HGS: variants seen among roughly 807,000 people sequenced by gnomAD.
HGS encodes hepatocyte growth factor-regulated tyrosine kinase substrate, also known as human growth factor-regulated tyrosine kinase substrate.
In HGS, 63 loss-of-function variants were observed where a neutral mutation model predicts 109.7. The ratio of observed to expected loss-of-function variants is 0.57; its 90% CI spans 0.47 to 0.71. The LOEUF is 0.71. HGS is among the 30% of genes least tolerant of loss of function. The probability of loss-of-function intolerance (pLI) is 0.00; values close to 1 mark genes in which losing one functional copy is unlikely to be tolerated. For synonymous variants in HGS, 546 were observed against 437.3 expected (o/e 1.25, Z -3.10); for missense variants, 995 against 1,068.3 (o/e 0.93, Z 0.96).
Position 81,691,779 on chromosome 17 carries a change from C to T in HGS, c.662+208C>T, listed in dbSNP as rs953547603. On this transcript the variant is annotated intron_variant, in intron 8 of 21. Transcript: ENST00000329138. This position sits in a 1 kb window ranked among gnomAD's most constrained non-coding sequence, Gnocchi z 5.3. ...CAGGTGGGTGTGAGAGACAGGGCGCCGCGGCTCCAGGGACCGAGGCTGCCC... is the reference window on the plus strand; with the variant it reads ...CAGGTGGGTGTGAGAGACAGGGCGCTGCGGCTCCAGGGACCGAGGCTGCCC... The T allele has an allele frequency of 1.6e-5, 9 of 556,274 alleles. No homozygotes were observed. The highest frequency in any genetic ancestry group is 5.0e-4 in the Middle Eastern group (1 of 1,994). 34.5% of individuals were successfully genotyped at this position (556,274 alleles called of 1,614,324 possible). A position where few individuals can be genotyped will look rare whatever the true frequency, so the allele number is the denominator to read the frequency against.
At chr17:81,699,020 T>G (rs898490140) in intron 18 of HGS, among the ~76,000 whole-genome samples, 1 of 150,480 alleles carries the variant, frequency 6.6e-6, no homozygotes, top group South Asian at 2.1e-4. Context: ...TGAGCCAAGA[T>G]CATGCCATTG....
chr17:81,686,159 G>A, intron 2 of HGS, 153 bp from the exon 3 acceptor site: 1 of 641,982 alleles, frequency 1.6e-6, no homozygotes, highest in Admixed American at 2.6e-5. Flanking sequence ...TCAGACTCCT[G>A]GGCTCAAGCA....
chr17:81,700,991 C>T (rs1354203326), intron 20 of HGS, 54 bp from the exon 21 acceptor site: 14 of 1,565,570 alleles, frequency 8.9e-6, no homozygotes, highest in Non-Finnish European at 1.2e-5. Flanking sequence ...AGAAACATCC[C>T]CGCCTGCCTG....
intron 1 of HGS, chr17:81,684,819 C>G (rs961766755): frequency 6.1e-6 from 5 of 822,352 alleles, no homozygotes; most frequent in African/African-American, 5.6e-5. Flanking sequence ...GTAGGGTTTT[C>G]AAGGAGACTT....
chr17:81,701,651 C>T lies in HGS; in HGVS notation c.*33C>T, dbSNP rs764760371. On this transcript the variant is annotated 3_prime_UTR_variant, in exon 22 of 22. Transcript: ENST00000329138. Reference sequence around the variant, plus strand: ...CATGCTCACGTCCGGAGTAACACTACATACAGTTCACCTGAAACGCCTCGT... The same window carrying T: ...CATGCTCACGTCCGGAGTAACACTATATACAGTTCACCTGAAACGCCTCGT... 83 of 1,526,144 alleles carry T rather than the reference C, an allele frequency of 5.4e-5. No homozygotes were observed. Among genetic ancestry groups the T allele is most frequent in the Non-Finnish European group, 4.5e-5 (51 of 1,137,984 alleles). 94.5% of individuals were successfully genotyped at this position (1,526,144 alleles called of 1,614,324 possible). A position where few individuals can be genotyped will look rare whatever the true frequency, so the allele number is the denominator to read the frequency against.
chr17:81,699,693 G>A (rs919677015), intron 18 of HGS, among the ~76,000 whole-genome samples: 2 of 152,092 alleles, frequency 1.3e-5, no homozygotes, highest in African/African-American at 4.8e-5. Context: ...CAAAGTGCTG[G>A]GATTACAAGC....
Position 81,700,549 on chromosome 17 carries a change from C to T in HGS, c.1965C>T (p.Thr655=), listed in dbSNP as rs761138711. The change falls in exon 19 of 22, where the codon ACC becomes ACT. Residue 655 remains threonine (T), a synonymous_variant. Coordinates refer to ENST00000329138, the MANE Select transcript of HGS (RefSeq NM_004712.5). ...CCCCCCAGGCCCAGGCCGGACCCACCGCCAGCCCCGCTTACTCATCCTACC... is the reference window on the plus strand; with the variant it reads ...CCCCCCAGGCCCAGGCCGGACCCACTGCCAGCCCCGCTTACTCATCCTACC... The part of the protein sequence containing the change: ...QAAPQAQAGP[T]ASPAYSSYQP... 5.0e-6 allele frequency: 8 copies of T among 1,610,800 alleles called. No individual in the cohort carries two copies. The highest frequency in any genetic ancestry group is 2.2e-5 in the South Asian group (2 of 90,758).
At position 81,690,490 on chromosome 17, in the gene HGS, C is replaced by T; in HGVS notation, c.469-184C>T. ...AGCACCTTTGATGAGGAAGGAAGTC[C>T]CTTCCTCAGGCCTCGGCAGCTTCAC... On this transcript the variant is annotated intron_variant, in intron 6 of 21. Coordinates refer to ENST00000329138, the MANE Select transcript of HGS (RefSeq NM_004712.5). 8.0e-6 allele frequency: 5 copies of T among 626,880 alleles called. No homozygotes were observed. The South Asian group carries it at 8.1e-5, about 10-fold the overall frequency. 38.8% of individuals were successfully genotyped at this position (626,880 alleles called of 1,614,324 possible). A position where few individuals can be genotyped will look rare whatever the true frequency, so the allele number is the denominator to read the frequency against.
At chr17:81,694,361 C>T (rs1322861968) in intron 11 of HGS, among the ~76,000 whole-genome samples, 1 of 152,194 alleles carries the variant, frequency 6.6e-6, no homozygotes, top group Non-Finnish European at 1.5e-5. Context: ...GGGGTTGGGT[C>T]GGGGACAGCA....
chr17:81,690,425 G>C, intron 6 of HGS, 191 bp downstream of exon 6: 1 of 675,182 alleles, frequency 1.5e-6, no homozygotes, highest in Non-Finnish European at 2.5e-6. Flanking sequence ...CGTGGCTTGA[G>C]GGCCTTTAGA....
rs1411589431 is a variant in HGS at position 81,700,721 on chromosome 17, C to T, written c.2043C>T (p.Ser681=). 2 of 1,612,020 alleles carry T rather than the reference C, an allele frequency of 1.2e-6. No individual in the cohort carries two copies. The highest frequency in any genetic ancestry group is 1.7e-6 in the Non-Finnish European group (2 of 1,179,708). Residue 681 remains serine, a synonymous_variant, in exon 20 of 22, where the codon AGC becomes AGT. Transcript: ENST00000329138. ...YQNVASQAPQ[S]LPAISQPPQS... ...ACGTGGCCTCCCAGGCCCCACAGAG[C>T]CTCCCGGCCATCTCTCAGCCTCCGC...
In HGS at chr17:81,691,639, T is replaced by C. The variant is rs1342754344; in HGVS notation, c.662+68T>C. ...CTCCAGGCTGGGTTTTCTGTCCCTC[T>C]TGGCCATGGTGCCTGAGGCCTGCAG... On this transcript the variant is annotated intron_variant, in intron 8 of 21. Transcript: ENST00000329138. This position sits in a 1 kb window ranked among gnomAD's most constrained non-coding sequence, Gnocchi z 5.3. 4 of 1,592,912 alleles carry C rather than the reference T, an allele frequency of 2.5e-6. No homozygotes were observed. In the African/African-American group the frequency reaches 4.0e-5, roughly 16 times the overall value.
chr17:81,684,557 G>T (rs1382910540), intron 1 of HGS: 1 of 161,448 alleles, frequency 6.2e-6, no homozygotes, highest in Non-Finnish European at 1.3e-5. Context: ...GCTCTCTTGG[G>T]GGCTGCGGGT....
intron 18 of HGS, 177 bp downstream of exon 18, chr17:81,697,175 G>GC: frequency 1.4e-6 from 1 of 711,256 alleles, no homozygotes; most frequent in Non-Finnish European, 2.2e-6. Flanking sequence ...TCCTGCTGGA[G>GC]CCGTGTTTCA....
At chr17:81,685,742 TG>T in intron 2 of HGS, 53 bp downstream of exon 2, 1 of 1,419,244 alleles carries the variant, frequency 7.0e-7, no homozygotes, top group Admixed American at 1.8e-5. Flanking sequence ...TGCACTAAGC[TG>T]GGCTCGCTTG....
rs1190758032 is a variant in HGS, at chr17:81,701,766, C to A, written c.*148C>A. ...AGGGGGGGCCTTCACCCCAAGCCCA[C>A]CTCCCTTGTCCTCAGCCTACTGCAG... is the stretch of plus-strand genomic sequence containing the variant. On this transcript the variant is annotated 3_prime_UTR_variant, in exon 22 of 22. Transcript: ENST00000329138. The A allele has an allele frequency of 1.7e-6, 2 of 1,168,350 alleles. No homozygotes were observed. The allele number at this position is 1,168,350 out of a possible 1,614,324, so 72.4% of individuals were successfully genotyped here.
At chr17:81,701,171 C>A (rs373147311) in intron 21 of HGS, 40 bp downstream of exon 21, 12 of 1,545,130 alleles carry the variant, frequency 7.8e-6, no homozygotes, top group African/African-American at 4.1e-5. Flanking sequence ...ACCCGCAGGG[C>A]ACCCTCAGGC....
intron 3 of HGS, among the ~76,000 whole-genome samples, 190 bp downstream of exon 3, chr17:81,686,577 C>T (rs1336894136): frequency 6.6e-6 from 1 of 152,188 alleles, no homozygotes; most frequent in Non-Finnish European, 1.5e-5. Flanking sequence ...GAGGGAGAGA[C>T]AGGAGATAGG....
intron 18 of HGS, among the ~76,000 whole-genome samples, chr17:81,700,066 C>CA (rs1015135626): frequency 7.8e-5 from 9 of 115,060 alleles, no homozygotes; most frequent in Admixed American, 1.9e-4. Context: ...CAGACTATCT[C>CA]AAAAAAAAAG....
Sources: allele counts gnomAD v4.1 joint callset (sites outside exome capture counted in the v4.1 genomes callset), GRCh38; gene constraint gnomAD v4.1.1; non-coding constraint Gnocchi (gnomAD v3.1); transcripts MANE v1.5; gene names NCBI Gene and HGNC (gene_info 2026-07-23, HGNC 2026-07-21).